The following ZNF646 variants were observed in gnomAD, a reference collection of about 807,000 sequenced individuals.
ZNF646 encodes the protein zinc finger protein 646.
In ZNF646, 49 loss-of-function variants were observed where a neutral mutation model predicts 115.4. The ratio of observed to expected loss-of-function variants is 0.42; its 90% CI spans 0.34 to 0.54. The LOEUF (loss-of-function observed/expected upper bound fraction) is 0.54. Among genes scored for constraint, ZNF646 ranks in the 20% least tolerant of loss-of-function variants. The probability of loss-of-function intolerance (pLI) is 0.04; values close to 1 mark genes in which losing one functional copy is unlikely to be tolerated. For synonymous variants in ZNF646, 933 were observed against 939.0 expected, an observed-to-expected ratio of 0.99 and a Z score of 0.12; for missense variants, 2,269 against 2,457.9, an observed-to-expected ratio of 0.92 and a Z score of 1.62.
chr16:31,077,334 C>A lies in ZNF646; in HGVS notation c.1010C>A (p.Thr337Lys), dbSNP rs761464820. 3 of 1,613,166 alleles carry A rather than the reference C, an allele frequency of 1.9e-6. No individual in the cohort carries two copies. In the East Asian group the frequency reaches 6.7e-5, roughly 36 times the overall value. Residue 337 changes from threonine (T) to lysine (K), a missense_variant, in exon 2 of 3, where the codon ACA becomes AAA. This residue lies in a region of ZNF646 where 852 missense variants were observed against 900.2 expected (regional missense o/e 0.95). Transcript: ENST00000300850. The part of the protein sequence containing the change: ...EKGMPTTNGH[T>K]DESSQDQLPS... ...GGGATGCCCACCACCAATGGGCACA[C>A]AGATGAGAGCAGCCAGGACCAGCTC...
At position 31,077,224 on chromosome 16, in the gene ZNF646, C is replaced by A. The variant is rs925174522; in HGVS notation, c.900C>A (p.Pro300=). ...GGCCTTACCACTGTCCCCACTGCCC[C>A]CGTGTCTTCCGGCTCCCCCGGGAGC... The part of the protein sequence containing the change: ...QYRPYHCPHC[P]RVFRLPRELL... The change falls in exon 2 of 3, where the codon CCC becomes CCA. Residue 300 remains proline (P), a synonymous_variant. Coordinates refer to ENST00000300850, the MANE Select transcript of ZNF646 (RefSeq NM_014699.4). 8.7e-6 allele frequency: 14 copies of A among 1,614,028 alleles called. No individual in the cohort carries two copies. The East Asian group carries it at 2.9e-4, about 33-fold the overall frequency.
chr16:31,078,096 A>G lies in ZNF646; in HGVS notation c.1772A>G (p.Glu591Gly), dbSNP rs113882348. The G allele has an allele frequency of 6.2e-7, 1 of 1,614,086 alleles. No homozygotes were observed. The highest frequency in any genetic ancestry group is 8.5e-7 in the Non-Finnish European group (1 of 1,180,052). ...CTCTTTGAAGACGCTGAGAGCCTTG[A>G]ACGTCATGGCCTGACTCATGGGGCA... ...GLLFEDAESLERHGLTHGAGE... is the reference protein window; with the variant it reads ...GLLFEDAESLGRHGLTHGAGE... Residue 591 changes from glutamate to glycine, a missense_variant, in exon 2 of 3, where the codon GAA becomes GGA. Glu to Gly is a moderately conservative substitution (Grantham distance 98). Transcript: ENST00000300850.
chr16:31,082,907 G>A, intron 2 of ZNF646, 64 bp from the exon 3 acceptor site: 1 of 1,529,904 alleles, frequency 6.5e-7, no homozygotes. Context: ...GCAGGGCTGG[G>A]AGGGGGTACA....
In ZNF646 at chr16:31,077,188, T is replaced by C. The variant is rs376434112; in HGVS notation, c.864T>C (p.His288=). 5.0e-6 allele frequency: 8 copies of C among 1,614,192 alleles called. No homozygotes were observed. The African/African-American group carries it at 1.1e-4, about 22-fold the overall frequency. ...LMALKNHSRL[H]AQYRPYHCPH... ...CTCTGAAGAACCACTCTCGACTGCA[T>C]GCCCAGTATCGGCCTTACCACTGTC... The change falls in exon 2 of 3, where the codon CAT becomes CAC. Residue 288 remains histidine (H), a synonymous_variant. Transcript: ENST00000300850.
chr16:31,074,699 G>C (rs955732694), intron 1 of ZNF646, 68 bp downstream of exon 1: 2 of 152,280 alleles, frequency 1.3e-5, no homozygotes, highest in Non-Finnish European at 2.9e-5. Flanking sequence ...CGGCGGGAAG[G>C]AGAGGGGGCC....
chr16:31,078,956 G>A lies in ZNF646; in HGVS notation c.2632G>A (p.Ala878Thr), dbSNP rs1339965893. ...CCATAGGCCTGGGGAGGCGACCTCA[G>A]CACAGCCTTTCCTCTGCTGCCTCTG... ...QNHRPGEATS[A>T]QPFLCCLCGM... is the part of the protein sequence containing the mutation. The change falls in exon 2 of 3, where the codon GCA becomes ACA. Residue 878 changes from alanine (A) to threonine (T), a missense_variant. Ala to Thr is a moderately conservative substitution (Grantham distance 58). Around this residue, in one of 5 missense-constraint regions of ZNF646, gnomAD observed 852 missense variants for 900.2 expected, o/e 0.95. Coordinates refer to ENST00000300850, the MANE Select transcript of ZNF646 (RefSeq NM_014699.4). 1 of 1,611,520 alleles carries A rather than the reference G, an allele frequency of 6.2e-7. No homozygotes were observed. Among genetic ancestry groups the A allele is most frequent in the African/African-American group, 1.3e-5 (1 of 74,912 alleles).
Position 31,079,891 on chromosome 16 carries a change from C to A in ZNF646, c.3567C>A (p.Ala1189=), listed in dbSNP as rs201707459. 12 of 1,611,620 alleles carry A rather than the reference C, an allele frequency of 7.4e-6. No individual in the cohort carries two copies. The Admixed American group carries it at 1.3e-4, about 18-fold the overall frequency. Residue 1189 remains alanine, a synonymous_variant, in exon 2 of 3, where the codon GCC becomes GCA. Coordinates refer to ENST00000300850, the MANE Select transcript of ZNF646 (RefSeq NM_014699.4). This position sits in a 1 kb window ranked among gnomAD's most constrained non-coding sequence, Gnocchi z 5.5. ...GEEIEPRLET[A]EKGCQTEASS... is the part of the protein sequence containing the mutation. ...AGATAGAGCCCAGGCTGGAGACTGC[C>A]GAGAAGGGCTGCCAGACTGAAGCCA... is the stretch of plus-strand genomic sequence containing the variant.
Position 31,077,509 on chromosome 16 carries a change from C to G in ZNF646, c.1185C>G (p.Ser395Arg). 1.2e-6 allele frequency: 2 copies of G among 1,613,456 alleles called. No individual in the cohort carries two copies. The highest frequency in any genetic ancestry group is 1.1e-5 in the South Asian group (1 of 91,038). The change falls in exon 2 of 3, where the codon AGC (serine) becomes AGG (arginine). Residue 395 changes from serine (S) to arginine (R), a missense_variant. Physicochemically the swap from Ser to Arg is moderately radical, Grantham distance 110. Around this residue, in one of 5 missense-constraint regions of ZNF646, gnomAD observed 852 missense variants for 900.2 expected, o/e 0.95. Transcript: ENST00000300850. Reference protein sequence around the residue: ...HAGSLINHRKSHQTGVYPCSL... With the variant: ...HAGSLINHRKRHQTGVYPCSL... The stretch of plus-strand genomic sequence containing the variant: ...GGAGCCTCATCAACCATCGAAAGAG[C>G]CACCAGACAGGTGTCTACCCCTGCT...
In ZNF646 at chr16:31,078,642, A is replaced by G; in HGVS notation, c.2318A>G (p.Asp773Gly). 1 of 1,614,152 alleles carries G rather than the reference A, an allele frequency of 6.2e-7. No homozygotes were observed. The highest frequency in any genetic ancestry group is 8.5e-7 in the Non-Finnish European group (1 of 1,180,006). The change falls in exon 2 of 3, where the codon GAC becomes GGC. Residue 773 changes from aspartate (D) to glycine (G), a missense_variant. Around this residue, in one of 5 missense-constraint regions of ZNF646, gnomAD observed 852 missense variants for 900.2 expected, o/e 0.95. Transcript: ENST00000300850. ...RKDASLLDNL[D>G]IPGEEGGGTH... ...GATGCCAGTTTACTTGACAACTTGG[A>G]CATCCCAGGTGAGGAAGGTGGTGGC...
At chr16:31,073,606 G>C (rs1175633759), upstream of ZNF646, 1 of 152,172 alleles carries the variant, frequency 6.6e-6, no homozygotes, top group Non-Finnish European at 1.5e-5. Flanking sequence ...CTCGGATCGT[G>C]GCCGCGTGGG....
chr16:31,074,124 C>G (rs534811497), upstream of ZNF646: 1 of 152,222 alleles, frequency 6.6e-6, no homozygotes, highest in Non-Finnish European at 1.5e-5. Context: ...TCCAGAGAGC[C>G]CCACGAAAAG....
rs1386922339 is a variant in ZNF646, at chr16:31,080,806, C to CA, written c.4483dup (p.Arg1495LysfsTer8). 1 of 1,614,134 alleles carries CA rather than the reference C, an allele frequency of 6.2e-7. No individual in the cohort carries two copies. The highest frequency in any genetic ancestry group is 8.5e-7 in the Non-Finnish European group (1 of 1,180,006). On this transcript the variant is annotated frameshift_variant, in exon 2 of 3. Coordinates refer to ENST00000300850, the MANE Select transcript of ZNF646 (RefSeq NM_014699.4). LOFTEE classifies it high-confidence loss of function. Reference sequence around the variant, plus strand: ...CAGAGGAGCCAGAGGACAGTGTCCACAGGAGTCCTTGCCACGCTGGTGACT... The same window carrying CA: ...CAGAGGAGCCAGAGGACAGTGTCCACAAGGAGTCCTTGCCACGCTGGTGACT...
Position 31,083,193 on chromosome 16 carries a change from T to C in ZNF646, c.*101T>C. On this transcript the variant is annotated 3_prime_UTR_variant, in exon 3 of 3. Coordinates refer to ENST00000300850, the MANE Select transcript of ZNF646 (RefSeq NM_014699.4). ...GGAGTAGTTCGGGCATCCCCATATC[T>C]TCTCCTCTCCCCTTGTGAAGAGGAC... 1 of 1,484,002 alleles carries C rather than the reference T, an allele frequency of 6.7e-7. No individual in the cohort carries two copies. Among genetic ancestry groups the C allele is most frequent in the East Asian group, 2.4e-5 (1 of 41,152 alleles). The allele number at this position is 1,484,002 out of a possible 1,614,324, so 91.9% of individuals were successfully genotyped here.
rs147332797 is a variant in ZNF646, at chr16:31,079,772, G to A, written c.3448G>A (p.Glu1150Lys). ...AEEGPGQAEV[E>K]KLQEELKVEP... ...GGAGGGGCCGGGGCAAGCAGAAGTC[G>A]AGAAGCTCCAGGAAGAACTTAAAGT... Residue 1150 changes from glutamate (E) to lysine (K), a missense_variant, in exon 2 of 3, where the codon GAG becomes AAG. By Grantham distance (56) the Glu-to-Lys change is moderately conservative. Coordinates refer to ENST00000300850, the MANE Select transcript of ZNF646 (RefSeq NM_014699.4). This position sits in a 1 kb window ranked among gnomAD's most constrained non-coding sequence, Gnocchi z 5.5. 113 of 1,613,410 alleles carry A rather than the reference G, an allele frequency of 7.0e-5. No individual in the cohort carries two copies. The highest frequency in any genetic ancestry group is 9.2e-5 in the Non-Finnish European group (108 of 1,179,924).
At chr16:31,074,358 C>G (rs1054185751), upstream of ZNF646, 1 of 152,256 alleles carries the variant, frequency 6.6e-6, no homozygotes, top group African/African-American at 2.4e-5. Flanking sequence ...GCGGGACAGG[C>G]AGTGCTCCCG....
chr16:31,079,632 G>C lies in ZNF646; in HGVS notation c.3308G>C (p.Arg1103Pro), dbSNP rs749567555. ...CGTAATCATCTGCGGAACCACCCTC[G>C]CTGCAAAGGCTCTGAGCCCCAGGTT... is the stretch of plus-strand genomic sequence containing the variant. ...AYRNHLRNHP[R>P]CKGSEPQVGP... The change falls in exon 2 of 3, where the codon CGC becomes CCC. Residue 1103 changes from arginine to proline, a missense_variant. By Grantham distance (103) the Arg-to-Pro change is moderately radical. Transcript: ENST00000300850. The surrounding 1 kb of genome is among the most constrained non-coding windows in gnomAD (Gnocchi z 5.5). 2 of 1,613,294 alleles carry C rather than the reference G, an allele frequency of 1.2e-6. No homozygotes were observed. The highest frequency in any genetic ancestry group is 2.2e-5 in the South Asian group (2 of 91,078).
rs768104881 is a variant in ZNF646, at chr16:31,079,314, G to C, written c.2990G>C (p.Gly997Ala). The C allele has an allele frequency of 1.2e-6, 2 of 1,613,118 alleles. No homozygotes were observed. The highest frequency in any genetic ancestry group is 1.7e-6 in the Non-Finnish European group (2 of 1,179,310). ...GCTCCCAGCCCCTTGGGAGTGGCAG[G>C]TGATGCCATGGAGATGGTCGTGGAC... ...DKAPSPLGVA[G>A]DAMEMVVDSV... is the part of the protein sequence containing the mutation. Residue 997 changes from glycine to alanine, a missense_variant, in exon 2 of 3, where the codon GGT (glycine) becomes GCT (alanine). Gly to Ala is a moderately conservative substitution (Grantham distance 60). Around this residue, in one of 5 missense-constraint regions of ZNF646, gnomAD observed 1,062 missense variants for 1,172.8 expected, o/e 0.91. Coordinates refer to ENST00000300850, the MANE Select transcript of ZNF646 (RefSeq NM_014699.4). The surrounding 1 kb of genome is among the most constrained non-coding windows in gnomAD (Gnocchi z 5.5).
In ZNF646 at chr16:31,083,478, C is replaced by T; in HGVS notation, c.*386C>T. 2.3e-6 allele frequency: 3 copies of T among 1,325,612 alleles called. No homozygotes were observed. The highest frequency in any genetic ancestry group is 2.9e-6 in the Non-Finnish European group (3 of 1,032,530). 82.1% of individuals were successfully genotyped at this position (1,325,612 alleles called of 1,614,324 possible). Reference sequence around the variant, plus strand: ...TTATTTAAGTTTAAAAAAAGGAAAACTGCTGCCCCCCAAAAAAAGAAATTT... The same window carrying T: ...TTATTTAAGTTTAAAAAAAGGAAAATTGCTGCCCCCCAAAAAAAGAAATTT... On this transcript the variant is annotated 3_prime_UTR_variant, in exon 3 of 3. Transcript: ENST00000300850.
chr16:31,080,865 A>G lies in ZNF646; in HGVS notation c.4541A>G (p.Asp1514Gly), dbSNP rs149448313. The change falls in exon 2 of 3, where the codon GAT (aspartate) becomes GGT (glycine). Residue 1514 changes from aspartate (D) to glycine (G), a missense_variant. Asp to Gly is a moderately conservative substitution (Grantham distance 94). Coordinates refer to ENST00000300850, the MANE Select transcript of ZNF646 (RefSeq NM_014699.4). ...QLNGPTLSHMDSWDNRDNSSQ... is the reference protein window; with the variant it reads ...QLNGPTLSHMGSWDNRDNSSQ... ...AATGGACCTACTCTGAGTCACATGG[A>G]TAGCTGGGACAACAGAGACAACAGC... is the stretch of plus-strand genomic sequence containing the variant. 1 of 1,613,962 alleles carries G rather than the reference A, an allele frequency of 6.2e-7. No homozygotes were observed. The highest frequency in any genetic ancestry group is 8.5e-7 in the Non-Finnish European group (1 of 1,180,020).
Sources: allele counts gnomAD v4.1 joint callset, GRCh38; gene constraint gnomAD v4.1.1; regional missense constraint gnomAD v4.1.1; non-coding constraint Gnocchi (gnomAD v3.1); transcripts MANE v1.5; gene names NCBI Gene and HGNC (gene_info 2026-07-23, HGNC 2026-07-21).